The following TENT5D variants were observed in gnomAD, a reference collection of about 807,000 sequenced individuals.
The protein encoded by TENT5D is cancer/testis antigen 112.
For missense variants in TENT5D, 191 were observed against 287.0 expected, an observed-to-expected ratio of 0.67 and a Z score of 2.42; for synonymous variants, 103 against 100.6, an observed-to-expected ratio of 1.02 and a Z score of -0.15.
chrX:80,359,644 G>A (rs981301115), intron 3 of TENT5D, among the ~76,000 whole-genome samples: 5 of 111,100 alleles, frequency 4.5e-5, no homozygotes, highest in African/African-American at 1.6e-4. Flanking sequence ...TGGGGGGTAG[G>A]GGGCTAGGGG....
At chrX:80,344,608 TC>T (rs1337371151) in intron 3 of TENT5D, among the ~76,000 whole-genome samples, 1 of 110,653 alleles carries the variant, frequency 9.0e-6, no homozygotes, top group Non-Finnish European at 1.9e-5. Context: ...TCTTCTTTTT[TC>T]CTGATAATAC....
At chrX:80,412,826 G>GTTA (rs1931699047) in intron 3 of TENT5D, among the ~76,000 whole-genome samples, 1 of 111,692 alleles carries the variant, frequency 9.0e-6, no homozygotes, top group Non-Finnish European at 1.9e-5. Flanking sequence ...AAATATGATA[G>GTTA]TTATTTAAAG....
chrX:80,336,555 C>A (rs1025495253), intron 2 of TENT5D, among the ~76,000 whole-genome samples: 2 of 108,209 alleles, frequency 1.8e-5, no homozygotes, highest in African/African-American at 6.7e-5. Context: ...ACTAGATAAA[C>A]AGTTGTATTT....
chrX:80,365,154 G>A (rs975693053), intron 3 of TENT5D, among the ~76,000 whole-genome samples: 16 of 111,114 alleles, frequency 1.4e-4, no homozygotes, highest in African/African-American at 4.3e-4. Flanking sequence ...GGCCATTTTC[G>A]TGGGAAATTG....
At chrX:80,385,752 A>G (rs1419225421) in intron 3 of TENT5D, among the ~76,000 whole-genome samples, 1 of 112,321 alleles carries the variant, frequency 8.9e-6, no homozygotes, top group Non-Finnish European at 1.9e-5. Context: ...CCCATCAACA[A>G]GTGGGTGAAG....
intron 3 of TENT5D, among the ~76,000 whole-genome samples, chrX:80,383,528 A>G (rs1397741563): frequency 8.9e-6 from 1 of 112,483 alleles, no homozygotes; most frequent in Non-Finnish European, 1.9e-5. Context: ...CCTCCAAATA[A>G]ACTGTTTCTC....
At chrX:80,365,490 T>A (rs1014789254) in intron 3 of TENT5D, among the ~76,000 whole-genome samples, 1 of 110,937 alleles carries the variant, frequency 9.0e-6, no homozygotes, top group African/African-American at 3.3e-5. Context: ...TTTCTGAAAT[T>A]TTTGTATATT....
chrX:80,434,257 G>T (rs1345092021), intron 1 of TENT5D, among the ~76,000 whole-genome samples: 1 of 107,126 alleles, frequency 9.3e-6, no homozygotes, highest in African/African-American at 3.4e-5. Flanking sequence ...AACATGGAAA[G>T]TATATGCCTG....
At chrX:80,355,444 T>C (rs1930264209) in intron 3 of TENT5D, among the ~76,000 whole-genome samples, 1 of 111,487 alleles carries the variant, frequency 9.0e-6, no homozygotes, top group African/African-American at 3.3e-5. Flanking sequence ...CCTAAAGGAA[T>C]ATGGCAAGCC....
chrX:80,353,836 T>G (rs1335372726), intron 3 of TENT5D, among the ~76,000 whole-genome samples: 1 of 112,451 alleles, frequency 8.9e-6, no homozygotes, highest in Non-Finnish European at 1.9e-5. Flanking sequence ...TGCTTTAAAT[T>G]CTTAGAGACA....
chrX:80,403,112 G>A (rs1201664879), intron 3 of TENT5D, among the ~76,000 whole-genome samples: 3 of 112,067 alleles, frequency 2.7e-5, no homozygotes, highest in African/African-American at 9.7e-5. Context: ...AAATGTTGAT[G>A]CTGGTAGAAT....
intron 1 of TENT5D, among the ~76,000 whole-genome samples, chrX:80,437,118 C>A (rs555599143): frequency 5.3e-5 from 6 of 112,254 alleles, no homozygotes; most frequent in African/African-American, 1.9e-4. Flanking sequence ...ACAGCTCCCT[C>A]TATATTTCCC....
At chrX:80,404,074 C>T (rs1008458056) in intron 3 of TENT5D, among the ~76,000 whole-genome samples, 18 of 111,420 alleles carry the variant, frequency 1.6e-4, no homozygotes, top group African/African-American at 5.9e-4. Flanking sequence ...TCTTGACCAG[C>T]CTTCCACTGA....
intron 1 of TENT5D, among the ~76,000 whole-genome samples, chrX:80,427,036 G>A (rs754285679): frequency 9.0e-6 from 1 of 110,992 alleles, no homozygotes; most frequent in African/African-American, 3.3e-5. Flanking sequence ...AGTGCCTTTC[G>A]CCTCCCACCA....
chrX:80,354,724 G>C (rs139836105), intron 3 of TENT5D, among the ~76,000 whole-genome samples: 59 of 111,949 alleles, frequency 5.3e-4, no homozygotes, highest in African/African-American at 1.7e-3. Flanking sequence ...GGGAGCTACT[G>C]CATTCGTTTG....
intron 3 of TENT5D, among the ~76,000 whole-genome samples, chrX:80,394,608 G>A (rs746635536): frequency 4.6e-5 from 5 of 109,011 alleles, no homozygotes; most frequent in Non-Finnish European, 9.5e-5. Context: ...TGGTCAGGCC[G>A]GTCTCGAACT....
intron 1 of TENT5D, among the ~76,000 whole-genome samples, chrX:80,438,315 G>C (rs1024822363): frequency 1.8e-5 from 2 of 109,802 alleles, no homozygotes; most frequent in South Asian, 8.1e-4. Flanking sequence ...CCAGAAATCT[G>C]TGTGTTTACA....
At chrX:80,385,873 A>T (rs1373552527) in intron 3 of TENT5D, among the ~76,000 whole-genome samples, 2 of 112,563 alleles carry the variant, frequency 1.8e-5, no homozygotes, top group Non-Finnish European at 3.7e-5. Context: ...CCACAGTGAG[A>T]TACCACTTCA....
At chrX:80,412,141 TG>T (rs1425953584) in intron 3 of TENT5D, among the ~76,000 whole-genome samples, 1 of 112,743 alleles carries the variant, frequency 8.9e-6, no homozygotes, top group Non-Finnish European at 1.9e-5. Flanking sequence ...TGCCAAGGCT[TG>T]GGGCTCCCAC....
Sources: gnomAD v4.1 joint callset for allele counts (sites outside exome capture counted in the v4.1 genomes callset) on GRCh38, gnomAD v4.1.1 for gene constraint, MANE v1.5 for transcripts, NCBI Gene and HGNC (gene_info 2026-07-23, HGNC 2026-07-21) for gene names.